Variants in NF1 observed in about 807,000 individuals in gnomAD.
The protein encoded by NF1 is neurofibromin 1, also known as neurofibromin.
In NF1, 122 loss-of-function variants were observed where a neutral mutation model predicts 325.7. The observed-to-expected ratio is 0.37, with a 90% CI of 0.32 to 0.44. The LOEUF is 0.44. NF1 is among the 20% of genes least tolerant of loss of function. The pLI, the probability that NF1 is intolerant of heterozygous loss-of-function variation, is 1.00. For missense variants in NF1, 2,140 were observed against 3,415.4 expected (o/e 0.63, Z 9.31); for synonymous variants, 1,091 against 1,186.0 (o/e 0.92, Z 1.65).
At chr17:31,194,632 C>T (rs1234432010) in intron 8 of NF1, among the ~76,000 whole-genome samples, 4 of 152,008 alleles carry the variant, frequency 2.6e-5, no homozygotes, top group South Asian at 2.1e-4. Context: ...CTATGTTCTT[C>T]ATAAATATTA....
At chr17:31,337,034 C>G (rs2069695224) in intron 42 of NF1, 120 bp downstream of exon 42, 1 of 995,592 alleles carries the variant, frequency 1.0e-6, no homozygotes, top group African/African-American at 1.6e-5. Flanking sequence ...ATTTAAGCCT[C>G]CAGTAATGAC....
chr17:31,164,187 A>G (rs1232858514), intron 4 of NF1, among the ~76,000 whole-genome samples: 1 of 152,224 alleles, frequency 6.6e-6, no homozygotes, highest in East Asian at 1.9e-4. Context: ...TCACTATACC[A>G]GATTGCTTCC....
chr17:31,172,656 G>C lies in NF1; in HGVS notation c.586+2659G>C, dbSNP rs573278253. Among the ~76,000 whole-genome samples, 86 of 152,200 alleles carry C rather than the reference G, an allele frequency of 5.7e-4. 1 individual carries two copies. The highest frequency in any genetic ancestry group is 2.0e-3 in the African/African-American group (85 of 41,532). On this transcript the variant is annotated intron_variant, in intron 5 of 57. Coordinates refer to ENST00000358273, the MANE Select transcript of NF1 (RefSeq NM_001042492.3). Reference sequence around the variant, plus strand: ...CTCAGTAAATTTTCAAAGTCACAGAGCTAGTAATTGTTCAGTAAAGATTGA... The same window carrying C: ...CTCAGTAAATTTTCAAAGTCACAGACCTAGTAATTGTTCAGTAAAGATTGA...
Position 31,228,642 on chromosome 17 carries a change from C to T in NF1, c.2410-383C>T, listed in dbSNP as rs17886004. 1.7e-3 allele frequency among the ~76,000 whole-genome samples: 257 copies of T among 152,220 alleles called. 2 individuals are homozygous for T. The highest frequency in any genetic ancestry group is 5.8e-3 in the African/African-American group (239 of 41,528). ...CACTTTCTTGCCTCTCTTCCCCCAA[C>T]GTCTCTAGCCCTAGGCAACCATGAA... is the stretch of plus-strand genomic sequence containing the variant. On this transcript the variant is annotated intron_variant, in intron 20 of 57. Coordinates refer to ENST00000358273, the MANE Select transcript of NF1 (RefSeq NM_001042492.3).
At chr17:31,185,144 G>T (rs1871097448) in intron 8 of NF1, among the ~76,000 whole-genome samples, 1 of 152,152 alleles carries the variant, frequency 6.6e-6, no homozygotes, top group Non-Finnish European at 1.5e-5. Flanking sequence ...CTCCCCTGAG[G>T]CAGTTGCCAG....
intron 1 of NF1, among the ~76,000 whole-genome samples, chr17:31,122,670 A>G (rs1567799634): frequency 6.6e-6 from 1 of 152,174 alleles, no homozygotes; most frequent in East Asian, 1.9e-4. Flanking sequence ...TTTCATTTGC[A>G]TATTGGTTTT....
chr17:31,354,547 C>T (rs1429864177), intron 51 of NF1, among the ~76,000 whole-genome samples: 1 of 152,082 alleles, frequency 6.6e-6, no homozygotes, highest in African/African-American at 2.4e-5. Context: ...AGAACATGAC[C>T]AAATTTTAAT....
intron 8 of NF1, among the ~76,000 whole-genome samples, chr17:31,194,328 T>TA (rs201620067): frequency 1.3e-5 from 2 of 151,730 alleles, no homozygotes; most frequent in Non-Finnish European, 2.9e-5. Context: ...ATGTGGAAGC[T>TA]AAAAAAAAGT....
In NF1 at chr17:31,265,313, T is replaced by C. The variant is rs2067766712; in HGVS notation, c.4809T>C (p.Asn1603=). Residue 1603 remains asparagine, a synonymous_variant, in exon 36 of 58, where the codon AAT becomes AAC. Coordinates refer to ENST00000358273, the MANE Select transcript of NF1 (RefSeq NM_001042492.3). The part of the protein sequence containing the change: ...FYQAGTSKAG[N]PIFYYVARRF... ...AAGCTGGGACTTCCAAAGCTGGGAA[T>C]CCTATTTTTTATTATGTTGCACGGA... 6.2e-7 allele frequency: 1 copy of C among 1,612,880 alleles called. No individual in the cohort carries two copies.
intron 46 of NF1, 40 bp from the exon 47 acceptor site, chr17:31,340,465 T>C (rs924317318): frequency 1.2e-6 from 2 of 1,613,792 alleles, no homozygotes; most frequent in African/African-American, 1.3e-5. Context: ...GACTATGTCA[T>C]GATTCATCTT....
chr17:31,158,911 G>A lies in NF1; in HGVS notation c.205-99G>A, dbSNP rs902324753. ...GTATAATCTGGGAGGTAAAATGGAA[G>A]ACTATTGTTGATCTTTTAGTCTTTC... On this transcript the variant is annotated intron_variant, in intron 2 of 57. Coordinates refer to ENST00000358273, the MANE Select transcript of NF1 (RefSeq NM_001042492.3). The A allele has an allele frequency of 8.3e-6, 6 of 722,016 alleles. No individual in the cohort carries two copies. In the African/African-American group the frequency reaches 1.1e-4, roughly 13 times the overall value. 44.7% of individuals were successfully genotyped at this position (722,016 alleles called of 1,614,324 possible).
chr17:31,294,817 C>T, intron 36 of NF1: 1 of 663,262 alleles, frequency 1.5e-6, no homozygotes, highest in South Asian at 1.9e-5. Flanking sequence ...AGTAAAATAG[C>T]AGCAAGTACC....
Position 31,326,175 on chromosome 17 carries a change from T to G in NF1, c.5191T>G (p.Leu1731Val), listed in dbSNP as rs876658602. ...HEQQKLPAAT[L>V]ALEEDLKVFH... is the part of the protein sequence containing the mutation. ...ACAACAGAAACTACCTGCTGCCACC[T>G]TGGCTTTAGAAGAGGACCTGAAGGT... The change falls in exon 37 of 58, where the codon TTG (leucine) becomes GTG (valine). Residue 1731 changes from leucine (L) to valine (V), a missense_variant. Transcript: ENST00000358273. The G allele has an allele frequency of 6.2e-7, 1 of 1,613,364 alleles. No homozygotes were observed. Among genetic ancestry groups the G allele is most frequent in the Admixed American group, 1.7e-5 (1 of 59,954 alleles).
At chr17:31,320,533 G>T in intron 36 of NF1, 1 of 1,009,468 alleles carries the variant, frequency 9.9e-7, no homozygotes, top group Non-Finnish European at 1.5e-6. Flanking sequence ...TACAGAAATT[G>T]AAAATAAGAA....
intron 50 of NF1, among the ~76,000 whole-genome samples, chr17:31,351,348 G>GGT (rs1201169934): frequency 6.6e-6 from 1 of 151,996 alleles, no homozygotes; most frequent in Non-Finnish European, 1.5e-5. Flanking sequence ...AAATATATGA[G>GGT]GTAACACATA....
intron 1 of NF1, among the ~76,000 whole-genome samples, chr17:31,120,325 A>G (rs568324128): frequency 2.0e-5 from 3 of 152,262 alleles, no homozygotes; most frequent in East Asian, 3.9e-4. Context: ...GGTCCTTCAC[A>G]TCCCTTGTAA....
chr17:31,212,210 A>G (rs2066740102), intron 12 of NF1, among the ~76,000 whole-genome samples: 1 of 152,210 alleles, frequency 6.6e-6, no homozygotes, highest in South Asian at 2.1e-4. Flanking sequence ...GCCTAGGCCT[A>G]CATGGGGTCA....
rs35267324 is a variant in NF1, at chr17:31,282,381, C to CA, written c.4835+17060dup. Among the ~76,000 whole-genome samples, 632 of 98,886 alleles carry CA rather than the reference C, an allele frequency of 6.4e-3. 4 individuals carry two copies. Among genetic ancestry groups the CA allele is most frequent in the Non-Finnish European group, 0.01 (454 of 44,390 alleles). 64.9% of individuals were successfully genotyped at this position (98,886 alleles called of 152,430 possible). A position where few individuals can be genotyped will look rare whatever the true frequency, so the allele number is the denominator to read the frequency against. On this transcript the variant is annotated intron_variant, in intron 36 of 57. Coordinates refer to ENST00000358273, the MANE Select transcript of NF1 (RefSeq NM_001042492.3). ...CGGGTGACAGAGCGAGATTCCATCTCAAAAAAAAAAAAAAAAAAGTATACA... is the reference window on the plus strand; with the variant it reads ...CGGGTGACAGAGCGAGATTCCATCTCAAAAAAAAAAAAAAAAAAAGTATACA...
chr17:31,302,607 C>T (rs1202894722), intron 36 of NF1, among the ~76,000 whole-genome samples: 3 of 151,974 alleles, frequency 2.0e-5, no homozygotes, highest in African/African-American at 4.8e-5. Flanking sequence ...TTTGAGAGGC[C>T]GAGGCAGGTG....
Sources: allele counts gnomAD v4.1 joint callset (sites outside exome capture counted in the v4.1 genomes callset), GRCh38; gene constraint gnomAD v4.1.1; transcripts MANE v1.5; gene names NCBI Gene and HGNC (gene_info 2026-07-23, HGNC 2026-07-21).